The following STK32B variants were observed in gnomAD, a reference collection of about 807,000 sequenced individuals.
STK32B encodes the protein serine/threonine kinase 32B.
STK32B carries 43 observed loss-of-function variants against 52.6 expected under a neutral mutation model. That is an observed-to-expected ratio of 0.82 (90% CI 0.64 to 1.05). The LOEUF is 1.05. Ranked by LOEUF, STK32B falls within the 50% of genes least tolerant of loss-of-function variation. The pLI, the probability that STK32B is intolerant of heterozygous loss-of-function variation, is 0.00. For missense variants in STK32B, 621 were observed against 534.6 expected, an observed-to-expected ratio of 1.16 and a Z score of -1.59; for synonymous variants, 238 against 204.3, an observed-to-expected ratio of 1.17 and a Z score of -1.41.
At chr4:5,047,958 A>T (rs1369386890), upstream of STK32B, among the ~76,000 whole-genome samples, 1 of 152,188 alleles carries the variant, frequency 6.6e-6, no homozygotes, top group Non-Finnish European at 1.5e-5. Context: ...AAGAAATGAC[A>T]CAGGGAGAGA....
chr4:5,207,480 T>C (rs1406737461), intron 3 of STK32B, among the ~76,000 whole-genome samples: 1 of 152,046 alleles, frequency 6.6e-6, no homozygotes, highest in Non-Finnish European at 1.5e-5. Flanking sequence ...TCTGCCATGA[T>C]TGTGAGGCCT....
chr4:5,160,946 T>C (rs1718393519), intron 2 of STK32B, among the ~76,000 whole-genome samples: 1 of 152,058 alleles, frequency 6.6e-6, no homozygotes, highest in African/African-American at 2.4e-5. Context: ...TGTGGATGCC[T>C]GAGAACAGCA....
At chr4:5,070,037 G>A (rs1454729741) in intron 1 of STK32B, among the ~76,000 whole-genome samples, 1 of 152,200 alleles carries the variant, frequency 6.6e-6, no homozygotes, top group East Asian at 1.9e-4. Flanking sequence ...TGGAGAGAAG[G>A]CAGGCAGGGG....
At chr4:5,147,861 A>G (rs1717034594) in intron 2 of STK32B, among the ~76,000 whole-genome samples, 2 of 151,966 alleles carry the variant, frequency 1.3e-5, no homozygotes, top group Admixed American at 1.3e-4. Context: ...AAGGAATATT[A>G]GTCTGCTTTT....
At chr4:5,092,745 G>A (rs1377363733) in intron 1 of STK32B, among the ~76,000 whole-genome samples, 1 of 151,942 alleles carries the variant, frequency 6.6e-6, no homozygotes, top group South Asian at 2.1e-4. Flanking sequence ...TCACTATCCC[G>A]AGAACAGCAC....
At position 5,386,174 on chromosome 4, in the gene STK32B, G is replaced by A. The variant is rs1018769424; in HGVS notation, c.435-12033G>A. Among the ~76,000 whole-genome samples, 4 of 151,810 alleles carry A rather than the reference G, an allele frequency of 2.6e-5. No homozygotes were observed. The highest frequency in any genetic ancestry group is 2.0e-4 in the Admixed American group (3 of 15,250). On this transcript the variant is annotated intron_variant, in intron 4 of 11. Transcript: ENST00000282908. The surrounding 1 kb of genome is among the most constrained non-coding windows in gnomAD (Gnocchi z 4.5). ...CTCCCTGGACTCTTCCCAGCCGTCT[G>A]TCTCTCACACAGCACCCTCACTCTC... is the stretch of plus-strand genomic sequence containing the variant.
At chr4:5,149,516 C>A (rs187881796) in intron 2 of STK32B, among the ~76,000 whole-genome samples, 3 of 151,716 alleles carry the variant, frequency 2.0e-5, no homozygotes, top group African/African-American at 7.2e-5. Context: ...AAAATTGTTG[C>A]TCTAAAGGAT....
At chr4:5,093,528 C>T (rs1263233807) in intron 1 of STK32B, among the ~76,000 whole-genome samples, 3 of 150,774 alleles carry the variant, frequency 2.0e-5, no homozygotes, top group East Asian at 3.9e-4. Context: ...CACGTGGACA[C>T]AGGAAGGGGA....
At chr4:5,164,631 G>C (rs1718728044) in intron 2 of STK32B, among the ~76,000 whole-genome samples, 1 of 152,190 alleles carries the variant, frequency 6.6e-6, no homozygotes. Flanking sequence ...CCCTTTTCCA[G>C]GTTGCAGGCT....
At chr4:5,364,689 G>C (rs1045154919) in intron 4 of STK32B, among the ~76,000 whole-genome samples, 1 of 152,112 alleles carries the variant, frequency 6.6e-6, no homozygotes, top group East Asian at 1.9e-4. Flanking sequence ...ATCATATTCA[G>C]TAGGGAGAGG....
At chr4:5,122,716 C>T (rs34671649) in intron 1 of STK32B, among the ~76,000 whole-genome samples, 29,370 of 152,136 alleles carry the variant, frequency 0.19, 2,992 homozygotes, top group East Asian at 0.27. Context: ...CCTTTGCCAA[C>T]GCTTGGAGGA....
chr4:5,277,253 C>T (rs1727884235), intron 3 of STK32B, among the ~76,000 whole-genome samples: 1 of 152,334 alleles, frequency 6.6e-6, no homozygotes, highest in Non-Finnish European at 1.5e-5. Context: ...CAACATGCCT[C>T]CTTCATCGGA....
chr4:5,261,134 G>A (rs1172821926), intron 3 of STK32B, among the ~76,000 whole-genome samples: 1 of 152,174 alleles, frequency 6.6e-6, no homozygotes, highest in Non-Finnish European at 1.5e-5. Flanking sequence ...CGAGCCTGCA[G>A]TCCTATAAGG....
In STK32B at chr4:5,225,406, C is replaced by T. The variant is rs770799363; in HGVS notation, c.260+56956C>T. Among the ~76,000 whole-genome samples, 10 of 150,980 alleles carry T rather than the reference C, an allele frequency of 6.6e-5. No individual in the cohort carries two copies. The East Asian group carries it at 9.7e-4, about 15-fold the overall frequency. ...TGGGTGACAGAGTAAGACTCCGTCTCGAAAAAAAATAAAATAAAATAAAAC... is the reference window on the plus strand; with the variant it reads ...TGGGTGACAGAGTAAGACTCCGTCTTGAAAAAAAATAAAATAAAATAAAAC... On this transcript the variant is annotated intron_variant, in intron 3 of 11. Transcript: ENST00000282908.
At chr4:5,251,930 G>A (rs963627564) in intron 3 of STK32B, among the ~76,000 whole-genome samples, 1 of 152,132 alleles carries the variant, frequency 6.6e-6, no homozygotes, top group Non-Finnish European at 1.5e-5. Flanking sequence ...TTCTCAGCAG[G>A]TAATGCAGGG....
At chr4:5,085,839 C>A (rs1295949842) in intron 1 of STK32B, among the ~76,000 whole-genome samples, 2 of 152,178 alleles carry the variant, frequency 1.3e-5, no homozygotes, top group African/African-American at 4.8e-5. Context: ...CAGCGATAGC[C>A]TTGAAAATAA....
intron 1 of STK32B, among the ~76,000 whole-genome samples, chr4:5,126,076 C>G (rs915494473): frequency 6.6e-6 from 1 of 152,158 alleles, no homozygotes; most frequent in Non-Finnish European, 1.5e-5. Context: ...TCATGTGGGT[C>G]TGGGTTCTCC....
At chr4:5,345,766 C>T (rs1361915069) in intron 4 of STK32B, among the ~76,000 whole-genome samples, 2 of 152,216 alleles carry the variant, frequency 1.3e-5, no homozygotes, top group South Asian at 2.1e-4. Flanking sequence ...TTCAACAACA[C>T]GTATCCATAG....
rs1377564722 is a variant in STK32B, at chr4:5,249,456, TTCC to T, written c.260+81008_260+81010del. ...CTTCCTACCTACCTTCCTTCCTTCC[TTCC>T]TTCCTTCCTTCCTTCCTTCCTTCCT... On this transcript the variant is annotated intron_variant, in intron 3 of 11. Transcript: ENST00000282908. Among the ~76,000 whole-genome samples the T allele has an allele frequency of 1.0e-4, 8 of 79,468 alleles. 1 individual carries two copies. The South Asian group carries it at 2.6e-3, about 25-fold the overall frequency. 52.1% of individuals were successfully genotyped at this position (79,468 alleles called of 152,430 possible). A position where few individuals can be genotyped will look rare whatever the true frequency, so the allele number is the denominator to read the frequency against.
Sources: gnomAD v4.1 joint callset for allele counts (sites outside exome capture counted in the v4.1 genomes callset) on GRCh38, gnomAD v4.1.1 for gene constraint, Gnocchi (gnomAD v3.1) non-coding constraint, MANE v1.5 for transcripts, NCBI Gene and HGNC (gene_info 2026-07-23, HGNC 2026-07-21) for gene names.